JAKMIP2: variants seen among roughly 807,000 people sequenced by gnomAD.
JAKMIP2 encodes janus kinase and microtubule interacting protein 2, also known as janus kinase and microtubule-interacting protein 2.
In JAKMIP2, 25 loss-of-function variants were observed where a neutral mutation model predicts 115.0. The observed-to-expected ratio is 0.22, with a 90% CI of 0.16 to 0.30. The LOEUF (loss-of-function observed/expected upper bound fraction) is 0.30, where lower values mean the gene tolerates loss of function less well. JAKMIP2 is among the 10% of genes least tolerant of loss of function. The pLI is 1.00. For missense variants in JAKMIP2, 642 were observed against 957.6 expected (o/e 0.67, Z 4.35); for synonymous variants, 334 against 343.6 (o/e 0.97, Z 0.31).
intron 1 of JAKMIP2, among the ~76,000 whole-genome samples, chr5:147,721,690 G>A (rs910152310): frequency 9.2e-5 from 14 of 152,144 alleles, no homozygotes; most frequent in Non-Finnish European, 1.9e-4. Flanking sequence ...GTGAGGCAAT[G>A]CCTCTCCCTG....
intron 3 of JAKMIP2, among the ~76,000 whole-genome samples, chr5:147,656,048 G>A (rs1444760857): frequency 6.6e-6 from 1 of 152,212 alleles, no homozygotes; most frequent in Non-Finnish European, 1.5e-5. Flanking sequence ...ATTGCACTGT[G>A]GTCTGAGAGA....
At chr5:147,748,152 C>T (rs970378997) in intron 1 of JAKMIP2, among the ~76,000 whole-genome samples, 2 of 152,118 alleles carry the variant, frequency 1.3e-5, no homozygotes, top group African/African-American at 4.8e-5. Context: ...AATCCTGGCT[C>T]TACTTCTTGT....
intron 1 of JAKMIP2, among the ~76,000 whole-genome samples, chr5:147,757,633 T>C (rs771530925): frequency 5.3e-5 from 8 of 152,044 alleles, no homozygotes; most frequent in Non-Finnish European, 8.8e-5. Flanking sequence ...CATAATGATA[T>C]GTAGAATAAC....
intron 21 of JAKMIP2, among the ~76,000 whole-genome samples, chr5:147,597,774 C>T (rs1294069931): frequency 6.6e-6 from 1 of 152,134 alleles, no homozygotes; most frequent in Non-Finnish European, 1.5e-5. Context: ...AATGTGTCTC[C>T]CACAAAGCGT....
chr5:147,638,361 G>A (rs1044143139), intron 10 of JAKMIP2, among the ~76,000 whole-genome samples: 2 of 151,890 alleles, frequency 1.3e-5, no homozygotes, highest in East Asian at 1.9e-4. Context: ...CCTTTTTTTG[G>A]AGGAATCTCC....
rs1205633206 is a variant in JAKMIP2, at chr5:147,720,863, T to A, written c.-148-48909A>T. On this transcript the variant is annotated intron_variant, in intron 1 of 21. Coordinates refer to ENST00000616793, the MANE Select transcript of JAKMIP2 (RefSeq NM_001270941.2). ...TTCTCTCAGCTCGTCAAAGTCATTC[T>A]CCGTCCAGCTTTGTTCCATTGCTGG... is the stretch of plus-strand genomic sequence containing the variant. Among the ~76,000 whole-genome samples, 3 of 152,248 alleles carry A rather than the reference T, an allele frequency of 2.0e-5. No homozygotes were observed. In the East Asian group the frequency reaches 5.8e-4, roughly 29 times the overall value.
intron 1 of JAKMIP2, among the ~76,000 whole-genome samples, chr5:147,724,425 T>G (rs1753435385): frequency 1.3e-5 from 2 of 152,346 alleles, no homozygotes; most frequent in African/African-American, 4.8e-5. Flanking sequence ...CTTGCTCTTC[T>G]TCAATAACAT....
chr5:147,618,852 C>T (rs1018387200), intron 18 of JAKMIP2, among the ~76,000 whole-genome samples: 7 of 152,178 alleles, frequency 4.6e-5, no homozygotes, highest in Admixed American at 2.6e-4. Flanking sequence ...TAAGTTAGAA[C>T]AAAATACTGC....
chr5:147,641,875 A>G lies in JAKMIP2; in HGVS notation c.1225-111T>C. 2.1e-5 allele frequency: 18 copies of G among 865,946 alleles called. No individual in the cohort carries two copies. In the South Asian group the frequency reaches 2.8e-4, roughly 14 times the overall value. 53.6% of individuals were successfully genotyped at this position (865,946 alleles called of 1,614,324 possible). On this transcript the variant is annotated intron_variant, in intron 7 of 21. Coordinates refer to ENST00000616793, the MANE Select transcript of JAKMIP2 (RefSeq NM_001270941.2). ...TAAGGCATTATATTTGGAATAGAAT[A>G]AGACTTTGTTTTTTAAATTTTGGCA... is the stretch of plus-strand genomic sequence containing the variant.
intron 1 of JAKMIP2, among the ~76,000 whole-genome samples, chr5:147,737,601 C>T (rs1177298714): frequency 6.6e-6 from 1 of 152,168 alleles, no homozygotes; most frequent in Non-Finnish European, 1.5e-5. Context: ...AACATTCTCA[C>T]TAAAGGTGGT....
chr5:147,729,204 A>G (rs552695966), intron 1 of JAKMIP2, among the ~76,000 whole-genome samples: 5 of 152,284 alleles, frequency 3.3e-5, no homozygotes, highest in African/African-American at 1.2e-4. Context: ...TTTTTGTCAC[A>G]GATGCATGAC....
chr5:147,618,269 C>G (rs1409102402), intron 18 of JAKMIP2, among the ~76,000 whole-genome samples, 155 bp from the exon 19 acceptor site: 4 of 152,184 alleles, frequency 2.6e-5, no homozygotes, highest in Non-Finnish European at 5.9e-5. Flanking sequence ...AGCCTAATTA[C>G]ACTTCTGAAA....
At chr5:147,713,453 G>T (rs188076554) in intron 1 of JAKMIP2, among the ~76,000 whole-genome samples, 57 of 152,196 alleles carry the variant, frequency 3.7e-4, no homozygotes, top group Non-Finnish European at 4.4e-4. Flanking sequence ...AATGAAACAG[G>T]TAATCCCCTT....
intron 1 of JAKMIP2, among the ~76,000 whole-genome samples, chr5:147,704,298 C>T (rs1050978639): frequency 6.6e-6 from 1 of 152,130 alleles, no homozygotes; most frequent in Non-Finnish European, 1.5e-5. Context: ...TTGTTTACAG[C>T]AGTAATACCA....
chr5:147,677,060 T>C (rs1760007271), intron 1 of JAKMIP2, among the ~76,000 whole-genome samples: 2 of 152,194 alleles, frequency 1.3e-5, no homozygotes, highest in South Asian at 4.1e-4. Context: ...GACAAACCTG[T>C]TTAAATTCCA....
intron 1 of JAKMIP2, among the ~76,000 whole-genome samples, chr5:147,721,307 T>C (rs1268450227): frequency 6.6e-6 from 1 of 152,156 alleles, no homozygotes; most frequent in African/African-American, 2.4e-5. Flanking sequence ...TTTTTGTTTG[T>C]CTGTGCCCTG....
chr5:147,620,408 G>A lies in JAKMIP2; in HGVS notation c.2142+258C>T, dbSNP rs78378762. Reference sequence around the variant, plus strand: ...TGGGATTACATGCATGAGGCACCACGTCTGGCCTTTTAATTGTTAAAAAAT... The same window carrying A: ...TGGGATTACATGCATGAGGCACCACATCTGGCCTTTTAATTGTTAAAAAAT... On this transcript the variant is annotated intron_variant, in intron 18 of 21. Coordinates refer to ENST00000616793, the MANE Select transcript of JAKMIP2 (RefSeq NM_001270941.2). Among the ~76,000 whole-genome samples the A allele has an allele frequency of 6.5e-3, 994 of 152,152 alleles. 53 individuals carry two copies. The East Asian group carries it at 0.13, about 20-fold the overall frequency.
In JAKMIP2 at chr5:147,661,401, A is replaced by C; in HGVS notation, c.174T>G (p.Ile58Met). 1.9e-6 allele frequency: 3 copies of C among 1,613,956 alleles called. No homozygotes were observed. The highest frequency in any genetic ancestry group is 2.5e-6 in the Non-Finnish European group (3 of 1,179,990). Reference sequence around the variant, plus strand: ...TGTGCTTGCGCTGCTCCAGCTCACGAATCCTCTTCGCTTCTTGAGTCTTCT... The same window carrying C: ...TGTGCTTGCGCTGCTCCAGCTCACGCATCCTCTTCGCTTCTTGAGTCTTCT... ...EREKTQEAKR[I>M]RELEQRKHTV... Residue 58 changes from isoleucine (I) to methionine (M), a missense_variant, in exon 3 of 22, where the codon ATT becomes ATG. By Grantham distance (10) the Ile-to-Met change is conservative (BLOSUM62 1). Coordinates refer to ENST00000616793, the MANE Select transcript of JAKMIP2 (RefSeq NM_001270941.2).
At chr5:147,620,412 G>A (rs1048433668) in intron 18 of JAKMIP2, among the ~76,000 whole-genome samples, 1 of 152,002 alleles carries the variant, frequency 6.6e-6, no homozygotes, top group Non-Finnish European at 1.5e-5. Context: ...CACCACGTCT[G>A]GCCTTTTAAT....
Sources: gnomAD v4.1 joint callset for allele counts (sites outside exome capture counted in the v4.1 genomes callset) on GRCh38, gnomAD v4.1.1 for gene constraint, MANE v1.5 for transcripts, NCBI Gene and HGNC (gene_info 2026-07-23, HGNC 2026-07-21) for gene names.